MX2: variants seen among roughly 807,000 people sequenced by gnomAD.
MX2 encodes interferon-induced GTP-binding protein Mx2.
A neutral mutation model predicts 74.0 loss-of-function variants in MX2; 51 were observed. That is an observed-to-expected ratio of 0.69 (90% CI 0.55 to 0.87). The LOEUF (loss-of-function observed/expected upper bound fraction) is 0.87. Among genes scored for constraint, MX2 ranks in the 40% least tolerant of loss-of-function variants. The probability of loss-of-function intolerance (pLI) is 0.00; values close to 1 mark genes in which losing one functional copy is unlikely to be tolerated. For synonymous variants in MX2, 369 were observed against 339.3 expected, an observed-to-expected ratio of 1.09 and a Z score of -0.96; for missense variants, 832 against 908.7, an observed-to-expected ratio of 0.92 and a Z score of 1.09.
At chr21:41,364,077 G>A (rs2089241441) in intron 1 of MX2, 1 of 154,562 alleles carries the variant, frequency 6.5e-6, no homozygotes, top group Non-Finnish European at 1.5e-5. Context: ...TCTGGAGCCA[G>A]AGGCTTCTGC....
rs59054206 is a variant in MX2, at chr21:41,388,636, G to A, written c.733-1929G>A. 6.6e-6 allele frequency among the ~76,000 whole-genome samples: 1 copy of A among 152,104 alleles called. No homozygotes were observed. The highest frequency in any genetic ancestry group is 1.5e-5 in the Non-Finnish European group (1 of 68,028). On this transcript the variant is annotated intron_variant, in intron 5 of 13. Transcript: ENST00000330714. The surrounding 1 kb of genome is among the most constrained non-coding windows in gnomAD (Gnocchi z 4.0). ...GCCGAGTCTCTGAACCCCAGGATGG[G>A]CCCCACACCTGGTGGGCACTGCTAA...
intron 1 of MX2, among the ~76,000 whole-genome samples, chr21:41,372,528 A>AT (rs369324238): frequency 3.6e-4 from 54 of 151,556 alleles, no homozygotes; most frequent in African/African-American, 7.5e-4. Context: ...ATTTAAAGCT[A>AT]TTTTTTTTTA....
intron 3 of MX2, among the ~76,000 whole-genome samples, chr21:41,379,755 T>C (rs1026572942): frequency 1.3e-5 from 2 of 152,236 alleles, no homozygotes; most frequent in African/African-American, 4.8e-5. Flanking sequence ...GGACTGTGGC[T>C]ATAGCCACTT....
At position 41,399,338 on chromosome 21, in the gene MX2, G is replaced by T. The variant is rs1756015111; in HGVS notation, c.1414+1G>T. On this transcript the variant is annotated splice_donor_variant, in intron 10 of 13. Coordinates refer to ENST00000330714, the MANE Select transcript of MX2 (RefSeq NM_002463.2). LOFTEE classifies it high-confidence loss of function. ...ATACTTGCAACTAATACCCAAAAAG[G>T]TAAGTTCTGGGCAGGGCTCCCTGCA... 3 of 1,613,316 alleles carry T rather than the reference G, an allele frequency of 1.9e-6. No homozygotes were observed. Among genetic ancestry groups the T allele is most frequent in the Non-Finnish European group, 2.5e-6 (3 of 1,179,852 alleles).
At chr21:41,365,907 C>G (rs1490232184) in intron 1 of MX2, 1 of 152,498 alleles carries the variant, frequency 6.6e-6, no homozygotes, top group Non-Finnish European at 1.5e-5. Context: ...CCACTCCTGC[C>G]TCCTCACTCA....
intron 1 of MX2, among the ~76,000 whole-genome samples, chr21:41,367,834 C>A (rs1424249294): frequency 6.6e-6 from 1 of 152,150 alleles, no homozygotes; most frequent in Non-Finnish European, 1.5e-5. Flanking sequence ...GCTGTCCTTC[C>A]TTGGATCCGT....
chr21:41,367,366 T>G (rs1407601140), intron 1 of MX2: 4 of 152,198 alleles, frequency 2.6e-5, no homozygotes, highest in Admixed American at 2.6e-4. Flanking sequence ...CACATTTTCT[T>G]TTGACACTCC....
At chr21:41,382,824 A>AC (rs2089515473) in intron 5 of MX2, among the ~76,000 whole-genome samples, 1 of 152,190 alleles carries the variant, frequency 6.6e-6, no homozygotes, top group Non-Finnish European at 1.5e-5. Flanking sequence ...AGGACTGTGA[A>AC]CCCGGTGTGA....
intron 4 of MX2, among the ~76,000 whole-genome samples, 171 bp from the exon 5 acceptor site, chr21:41,382,239 C>A (rs1443376028): frequency 6.6e-6 from 1 of 152,226 alleles, no homozygotes; most frequent in Admixed American, 6.5e-5. Flanking sequence ...AAACAGCCAT[C>A]TTGGTGGCTT....
At chr21:41,371,069 T>C (rs2089318823) in intron 1 of MX2, among the ~76,000 whole-genome samples, 4 of 152,192 alleles carry the variant, frequency 2.6e-5, no homozygotes, top group Admixed American at 2.6e-4. Context: ...GAAAACGTGG[T>C]TGCAGGATTG....
chr21:41,378,393 C>T (rs545176869), intron 3 of MX2, among the ~76,000 whole-genome samples: 7 of 150,040 alleles, frequency 4.7e-5, no homozygotes, highest in African/African-American at 1.5e-4. Flanking sequence ...GCTGGATTCC[C>T]CATACATGTT....
rs199946112 is a variant in MX2 at position 41,408,232 on chromosome 21, G to A, written c.2147G>A (p.Ter716=). The A allele has an allele frequency of 3.1e-6, 5 of 1,613,570 alleles. No individual in the cohort carries two copies. In the East Asian group the frequency reaches 1.1e-4, roughly 36 times the overall value. The change falls in exon 14 of 14, where the codon TGA becomes TAA. Residue 716 remains the stop codon, a stop_retained_variant. Coordinates refer to ENST00000330714, the MANE Select transcript of MX2 (RefSeq NM_002463.2). ...CAATTCTCCAGCAAAGAGATCCACT[G>A]AAGGGCGGCGATGCCTGTGGTTGTT... is the stretch of plus-strand genomic sequence containing the variant. ...LCQFSSKEIH[*] is the part of the protein sequence containing the mutation.
In MX2 at chr21:41,382,565, G is replaced by A. The variant is rs977776520; in HGVS notation, c.732+1G>A. 5.6e-6 allele frequency: 9 copies of A among 1,614,128 alleles called. No homozygotes were observed. The highest frequency in any genetic ancestry group is 7.6e-6 in the Non-Finnish European group (9 of 1,180,022). ...CCAGCCCCGAGACATCGGACTGCAGGTGAGCCCTTCTGGAATTTGGGATTG... is the reference window on the plus strand; with the variant it reads ...CCAGCCCCGAGACATCGGACTGCAGATGAGCCCTTCTGGAATTTGGGATTG... On this transcript the variant is annotated splice_donor_variant, in intron 5 of 13. Transcript: ENST00000330714. LOFTEE classifies it high-confidence loss of function.
At chr21:41,372,036 G>A (rs1024707859) in intron 1 of MX2, among the ~76,000 whole-genome samples, 7 of 152,178 alleles carry the variant, frequency 4.6e-5, no homozygotes, top group African/African-American at 1.7e-4. Flanking sequence ...GTTAGAAGAA[G>A]GACCCTCCAG....
intron 5 of MX2, among the ~76,000 whole-genome samples, chr21:41,385,881 G>A (rs997483826): frequency 6.6e-6 from 1 of 151,906 alleles, no homozygotes; most frequent in South Asian, 2.1e-4. Context: ...TGAAAAAGTT[G>A]GAAATAGCAC....
At chr21:41,386,219 C>CAAAAAAAAAAAAAAAAA (rs59005802) in intron 5 of MX2, among the ~76,000 whole-genome samples, 3 of 32,022 alleles carry the variant, frequency 9.4e-5, no homozygotes, top group Non-Finnish European at 1.9e-4. Flanking sequence ...TACTCCATCT[C>CAAAAAAAAAAAAAAAAA]AAAAAAAAAA....
At position 41,402,956 on chromosome 21, in the gene MX2, GCCGGACACGGA is replaced by G; in HGVS notation, c.1574-309_1574-299del. ...CTCACTAGCTCACTGCACACCTCCTGCCGGACACGGACTGGAACTGGTCCAGCCTGGGAGTT... is the reference window on the plus strand; with the variant it reads ...CTCACTAGCTCACTGCACACCTCCTGCTGGAACTGGTCCAGCCTGGGAGTT... On this transcript the variant is annotated intron_variant, in intron 11 of 13. Transcript: ENST00000330714. This position sits in a 1 kb window ranked among gnomAD's most constrained non-coding sequence, Gnocchi z 4.5. 1 of 328,348 alleles carries G rather than the reference GCCGGACACGGA, an allele frequency of 3.0e-6. No homozygotes were observed. Among genetic ancestry groups the G allele is most frequent in the Non-Finnish European group, 5.9e-6 (1 of 168,796 alleles). 20.3% of individuals were successfully genotyped at this position (328,348 alleles called of 1,614,324 possible).
chr21:41,377,306 AC>A, intron 2 of MX2, 151 bp downstream of exon 2: 1 of 1,180,364 alleles, frequency 8.5e-7, no homozygotes, highest in Non-Finnish European at 1.2e-6. Context: ...CCCAACAAGT[AC>A]CAGGAACATA....
chr21:41,380,252 G>C lies in MX2; in HGVS notation c.577+101G>C. The stretch of plus-strand genomic sequence containing the variant: ...AAGTCACCCCCACAGTGACCACTCA[G>C]CTCCTAGCCCCATGTGCTCCCACAT... On this transcript the variant is annotated intron_variant, in intron 4 of 13. Coordinates refer to ENST00000330714, the MANE Select transcript of MX2 (RefSeq NM_002463.2). The surrounding 1 kb of genome is among the most constrained non-coding windows in gnomAD (Gnocchi z 4.3). The C allele has an allele frequency of 6.6e-7, 1 of 1,513,774 alleles. No homozygotes were observed. The highest frequency in any genetic ancestry group is 9.0e-7 in the Non-Finnish European group (1 of 1,115,428). The allele number at this position is 1,513,774 out of a possible 1,614,324, so 93.8% of individuals were successfully genotyped here.
Sources: allele counts gnomAD v4.1 joint callset (sites outside exome capture counted in the v4.1 genomes callset), GRCh38; gene constraint gnomAD v4.1.1; non-coding constraint Gnocchi (gnomAD v3.1); transcripts MANE v1.5; gene names NCBI Gene and HGNC (gene_info 2026-07-23, HGNC 2026-07-21).